The following CASK variants were observed in gnomAD, a reference collection of about 807,000 sequenced individuals.
The protein encoded by CASK is calcium/calmodulin dependent serine protein kinase, also known as peripheral plasma membrane protein CASK.
Under a neutral mutation model 82.9 loss-of-function variants are expected in CASK, and 4 were observed. The ratio of observed to expected loss-of-function variants is 0.05; its 90% CI spans 0.02 to 0.11. The LOEUF (loss-of-function observed/expected upper bound fraction) is 0.11, where lower values mean the gene tolerates loss of function less well. Ranked by LOEUF, CASK falls within the 10% of genes least tolerant of loss-of-function variation. The probability of loss-of-function intolerance (pLI) is 1.00; values close to 1 mark genes in which losing one functional copy is unlikely to be tolerated. For missense variants in CASK, 358 were observed against 720.9 expected (o/e 0.50, Z 5.76); for synonymous variants, 259 against 253.5 (o/e 1.02, Z -0.20).
chrX:41,838,585 G>A lies in CASK; in HGVS notation c.172+14530C>T, dbSNP rs758114044. ...AGCCTGGCCAACATGGTGAAACCCC[G>A]TCTCTACTAAAAATGCAAATAATTA... On this transcript the variant is annotated intron_variant, in intron 2 of 26. Transcript: ENST00000378163. Among the ~76,000 whole-genome samples the A allele has an allele frequency of 9.9e-5, 11 of 110,716 alleles. No individual in the cohort carries two copies. The South Asian group carries it at 1.5e-3, about 16-fold the overall frequency.
At chrX:41,860,303 G>T (rs1270005580) in intron 1 of CASK, among the ~76,000 whole-genome samples, 1 of 110,991 alleles carries the variant, frequency 9.0e-6, no homozygotes, top group African/African-American at 3.3e-5. Context: ...AGAATTGAGG[G>T]ACATAGATGG....
At chrX:41,717,274 G>C (rs190813178) in intron 5 of CASK, among the ~76,000 whole-genome samples, 1 of 112,507 alleles carries the variant, frequency 8.9e-6, no homozygotes, top group East Asian at 2.8e-4. Flanking sequence ...TTCTATGGAA[G>C]TTAATTTGCC....
intron 8 of CASK, among the ~76,000 whole-genome samples, chrX:41,654,613 C>T (rs766509906): frequency 9.0e-6 from 1 of 111,260 alleles, no homozygotes; most frequent in Admixed American, 9.5e-5. Flanking sequence ...GCGGAGGTTG[C>T]AGTGAGCTGA....
intron 5 of CASK, among the ~76,000 whole-genome samples, chrX:41,710,291 T>G (rs1193257443): frequency 2.7e-5 from 3 of 111,467 alleles, no homozygotes; most frequent in Non-Finnish European, 5.6e-5. Context: ...TTGACTGATT[T>G]GAAGATGTCA....
intron 12 of CASK, among the ~76,000 whole-genome samples, chrX:41,604,422 A>G (rs1309309891): frequency 1.9e-5 from 2 of 105,611 alleles, no homozygotes; most frequent in Non-Finnish European, 3.9e-5. Context: ...GTGATGACGG[A>G]AAAAGAGACT....
chrX:41,727,615 A>G, intron 5 of CASK: 2 of 1,209,759 alleles, frequency 1.7e-6, no homozygotes, highest in Non-Finnish European at 2.2e-6. Context: ...ACTAGGAGCC[A>G]TGATCTCTCA....
intron 5 of CASK, chrX:41,696,163 T>C (rs2067685555): frequency 4.1e-6 from 5 of 1,207,082 alleles, no homozygotes; most frequent in East Asian, 5.9e-5. Context: ...GTCTGTTGTA[T>C]AGTATGGATG....
chrX:41,547,829 T>C (rs984143321), intron 21 of CASK, among the ~76,000 whole-genome samples: 1 of 111,160 alleles, frequency 9.0e-6, no homozygotes, highest in Admixed American at 9.6e-5. Flanking sequence ...TTCACCGTGT[T>C]AGTCAGGATG....
At chrX:41,751,770 G>T (rs914223124) in intron 3 of CASK, among the ~76,000 whole-genome samples, 3 of 111,329 alleles carry the variant, frequency 2.7e-5, no homozygotes, top group Non-Finnish European at 5.7e-5. Flanking sequence ...GTTGGGCATG[G>T]TGGTGGCTCA....
intron 5 of CASK, among the ~76,000 whole-genome samples, chrX:41,731,093 T>C (rs982812738): frequency 4.4e-5 from 5 of 112,399 alleles, no homozygotes; most frequent in African/African-American, 1.6e-4. Context: ...ATACTGCATG[T>C]AATAATCTCA....
At chrX:41,691,133 ATTAC>A (rs958195308) in intron 5 of CASK, among the ~76,000 whole-genome samples, 29 of 112,369 alleles carry the variant, frequency 2.6e-4, no homozygotes, top group African/African-American at 9.0e-4. Context: ...TTGTCCAACT[ATTAC>A]TTATTTTATT....
At chrX:41,920,069 C>T (rs910052108) in intron 1 of CASK, among the ~76,000 whole-genome samples, 8 of 111,351 alleles carry the variant, frequency 7.2e-5, no homozygotes, top group Non-Finnish European at 1.3e-4. Flanking sequence ...TAGGTGGTTG[C>T]GTAGGTAGAG....
intron 14 of CASK, among the ~76,000 whole-genome samples, chrX:41,580,137 T>C (rs1036950180): frequency 1.8e-5 from 2 of 112,143 alleles, no homozygotes; most frequent in African/African-American, 6.5e-5. Flanking sequence ...TGTGGGCAAA[T>C]CCCTCTTTTT....
At chrX:41,830,554 C>T (rs966335646) in intron 2 of CASK, among the ~76,000 whole-genome samples, 3 of 111,233 alleles carry the variant, frequency 2.7e-5, no homozygotes, top group Middle Eastern at 9.4e-3. Flanking sequence ...GGTGCGGTGG[C>T]TCACGCCTGT....
chrX:41,877,031 A>T (rs1346024117), intron 1 of CASK, among the ~76,000 whole-genome samples: 1 of 111,286 alleles, frequency 9.0e-6, no homozygotes, highest in Non-Finnish European at 1.9e-5. Flanking sequence ...AGTTACAGTC[A>T]CTCTGCGCCA....
intron 5 of CASK, among the ~76,000 whole-genome samples, chrX:41,685,478 A>C (rs2067426238): frequency 8.9e-6 from 1 of 111,825 alleles, no homozygotes; most frequent in Non-Finnish European, 1.9e-5. Context: ...GGAGGTTTTT[A>C]AATTTTTTAT....
At chrX:41,758,987 T>A (rs1281431928) in intron 3 of CASK, among the ~76,000 whole-genome samples, 1 of 112,206 alleles carries the variant, frequency 8.9e-6, no homozygotes, top group Non-Finnish European at 1.9e-5. Flanking sequence ...TGGGGTGAAC[T>A]CTTTATGTTC....
chrX:41,603,629 T>C (rs1470281534), intron 12 of CASK, among the ~76,000 whole-genome samples: 1 of 112,357 alleles, frequency 8.9e-6, no homozygotes, highest in Non-Finnish European at 1.9e-5. Context: ...TAAAAATTCA[T>C]CAATAAATTG....
At chrX:41,716,701 G>A (rs747068553) in intron 5 of CASK, among the ~76,000 whole-genome samples, 17 of 111,927 alleles carry the variant, frequency 1.5e-4, no homozygotes, top group Admixed American at 2.8e-4. Context: ...GAATTCCTAA[G>A]GGTCTGATTG....
Sources: gnomAD v4.1 joint callset for allele counts (sites outside exome capture counted in the v4.1 genomes callset) on GRCh38, gnomAD v4.1.1 for gene constraint, MANE v1.5 for transcripts, NCBI Gene and HGNC (gene_info 2026-07-23, HGNC 2026-07-21) for gene names.